Variants in CCBE1 observed in about 807,000 individuals in gnomAD.
The protein encoded by CCBE1 is collagen and calcium-binding EGF domain-containing protein 1.
A neutral mutation model predicts 50.0 loss-of-function variants in CCBE1; 37 were observed. That is an observed-to-expected ratio of 0.74 (90% confidence interval 0.57 to 0.97). The LOEUF is 0.97. CCBE1 is among the 50% of genes least tolerant of loss of function. The probability of loss-of-function intolerance (pLI) is 0.00; values close to 1 mark genes in which losing one functional copy is unlikely to be tolerated. For synonymous variants in CCBE1, 234 were observed against 203.7 expected (o/e 1.15, Z -1.27); for missense variants, 538 against 523.8 (o/e 1.03, Z -0.26).
At chr18:59,502,335 G>A (rs1036607920) in intron 2 of CCBE1, among the ~76,000 whole-genome samples, 1 of 152,168 alleles carries the variant, frequency 6.6e-6, no homozygotes, top group Admixed American at 6.5e-5. Flanking sequence ...ACACAGGCAC[G>A]GGTTTTGCTT....
At chr18:59,556,851 T>C (rs2052664018) in intron 2 of CCBE1, among the ~76,000 whole-genome samples, 3 of 152,240 alleles carry the variant, frequency 2.0e-5, no homozygotes, top group South Asian at 4.1e-4. Flanking sequence ...GCATTGTTTA[T>C]GGGAATATTT....
intron 2 of CCBE1, among the ~76,000 whole-genome samples, chr18:59,687,409 CTG>C (rs2144742291): frequency 7.6e-6 from 1 of 130,998 alleles, no homozygotes; most frequent in South Asian, 2.6e-4. Context: ...AGATCTGTGC[CTG>C]TGTTTTTTTC....
intron 7 of CCBE1, among the ~76,000 whole-genome samples, chr18:59,442,425 T>G (rs1179370342): frequency 6.6e-6 from 1 of 152,164 alleles, no homozygotes; most frequent in Non-Finnish European, 1.5e-5. Flanking sequence ...CTTCCGAGCA[T>G]TCTTAACATT....
At chr18:59,564,490 C>G (rs576774571) in intron 2 of CCBE1, among the ~76,000 whole-genome samples, 1 of 152,196 alleles carries the variant, frequency 6.6e-6, no homozygotes, top group Non-Finnish European at 1.5e-5. Context: ...TAAACCATTT[C>G]TATACTAGTA....
At chr18:59,565,461 G>A (rs1283022189) in intron 2 of CCBE1, among the ~76,000 whole-genome samples, 1 of 152,168 alleles carries the variant, frequency 6.6e-6, no homozygotes, top group East Asian at 1.9e-4. Context: ...AACCAGGGGC[G>A]AGGGGCAGGC....
intron 2 of CCBE1, among the ~76,000 whole-genome samples, chr18:59,486,854 A>T (rs1384290598): frequency 2.0e-5 from 3 of 152,024 alleles, no homozygotes; most frequent in African/African-American, 7.2e-5. Flanking sequence ...TACCCAAATA[A>T]AACAAGGAAA....
intron 2 of CCBE1, among the ~76,000 whole-genome samples, chr18:59,534,235 C>T (rs558342428): frequency 6.6e-6 from 1 of 152,302 alleles, no homozygotes; most frequent in African/African-American, 2.4e-5. Context: ...AATAACACAC[C>T]TATAACTTCG....
intron 2 of CCBE1, among the ~76,000 whole-genome samples, chr18:59,626,271 A>C (rs982634151): frequency 6.6e-6 from 1 of 152,208 alleles, no homozygotes; most frequent in African/African-American, 2.4e-5. Context: ...CCCACAGTAA[A>C]TCCTTTGGTA....
chr18:59,559,380 C>T (rs78143303), intron 2 of CCBE1, among the ~76,000 whole-genome samples: 2,980 of 152,288 alleles, frequency 0.02, 81 homozygotes, highest in African/African-American at 0.061. Flanking sequence ...AGCTCTTGGG[C>T]CCCACAGGTG....
intron 2 of CCBE1, among the ~76,000 whole-genome samples, chr18:59,559,904 C>T (rs1027332339): frequency 6.6e-6 from 1 of 152,160 alleles, no homozygotes; most frequent in Non-Finnish European, 1.5e-5. Flanking sequence ...TGATGGACCG[C>T]TGGACAATGC....
intron 2 of CCBE1, among the ~76,000 whole-genome samples, chr18:59,551,504 C>T (rs1258374904): frequency 6.6e-6 from 1 of 152,176 alleles, no homozygotes; most frequent in Non-Finnish European, 1.5e-5. Context: ...ACGATGCCAC[C>T]ATGGCTATAT....
Position 59,447,967 on chromosome 18 carries a change from C to A in CCBE1, c.775+16G>T. On this transcript the variant is annotated intron_variant, in intron 7 of 10. Coordinates refer to ENST00000439986, the MANE Select transcript of CCBE1 (RefSeq NM_133459.4). Reference sequence around the variant, plus strand: ...TCTGTTGGTGATCACCCTCCTGTGCCCTCTTCCACACTCACCGGGAGGGCC... The same window carrying A: ...TCTGTTGGTGATCACCCTCCTGTGCACTCTTCCACACTCACCGGGAGGGCC... The A allele has an allele frequency of 6.2e-7, 1 of 1,613,976 alleles. No homozygotes were observed.
intron 2 of CCBE1, among the ~76,000 whole-genome samples, chr18:59,554,149 C>A: frequency 6.6e-6 from 1 of 152,094 alleles, no homozygotes; most frequent in Admixed American, 6.6e-5. Context: ...CCCACAATGC[C>A]CAGCTAACTT....
At chr18:59,544,593 CA>C (rs1474119197) in intron 2 of CCBE1, among the ~76,000 whole-genome samples, 2 of 152,068 alleles carry the variant, frequency 1.3e-5, no homozygotes, top group Non-Finnish European at 2.9e-5. Flanking sequence ...TCCTCTTTTC[CA>C]TTGGTATGGT....
At chr18:59,612,825 T>G (rs1040293490) in intron 2 of CCBE1, among the ~76,000 whole-genome samples, 1 of 117,908 alleles carries the variant, frequency 8.5e-6, no homozygotes, top group African/African-American at 3.0e-5. Context: ...GTTTTTTTTT[T>G]GTTTTTTTTT....
chr18:59,560,043 C>T (rs1452219453), intron 2 of CCBE1, among the ~76,000 whole-genome samples: 1 of 152,194 alleles, frequency 6.6e-6, no homozygotes, highest in African/African-American at 2.4e-5. Context: ...TGATATTATG[C>T]TAACCTCTGA....
chr18:59,689,447 T>C (rs1004835789), intron 2 of CCBE1, among the ~76,000 whole-genome samples: 3 of 152,240 alleles, frequency 2.0e-5, no homozygotes, highest in Non-Finnish European at 4.4e-5. Context: ...ACATTGGCTC[T>C]TGGCACACAT....
intron 6 of CCBE1, among the ~76,000 whole-genome samples, chr18:59,452,391 G>A (rs905793331): frequency 1.3e-5 from 2 of 152,144 alleles, no homozygotes; most frequent in Non-Finnish European, 2.9e-5. Context: ...AGGAGTTCAA[G>A]ACCATCCTGG....
At chr18:59,672,850 T>TG (rs1420782131) in intron 2 of CCBE1, among the ~76,000 whole-genome samples, 1 of 151,928 alleles carries the variant, frequency 6.6e-6, no homozygotes, top group African/African-American at 2.4e-5. Flanking sequence ...GGGACTGCGG[T>TG]GGGGGGAAGG....
Sources: allele counts gnomAD v4.1 joint callset (sites outside exome capture counted in the v4.1 genomes callset), GRCh38; gene constraint gnomAD v4.1.1; transcripts MANE v1.5; gene names NCBI Gene and HGNC (gene_info 2026-07-23, HGNC 2026-07-21).